Variants in STK32B observed in about 807,000 individuals in gnomAD.
STK32B encodes the protein serine/threonine-protein kinase 32B.
In STK32B, 43 loss-of-function variants were observed where a neutral mutation model predicts 52.6. The observed-to-expected ratio is 0.82, with a 90% confidence interval of 0.64 to 1.05. The LOEUF (loss-of-function observed/expected upper bound fraction) is 1.05, where lower values mean the gene tolerates loss of function less well. Among genes scored for constraint, STK32B ranks in the 50% least tolerant of loss-of-function variants. The probability of loss-of-function intolerance (pLI) is 0.00; values close to 1 mark genes in which losing one functional copy is unlikely to be tolerated. For missense variants in STK32B, 621 were observed against 534.6 expected (o/e 1.16, Z -1.59); for synonymous variants, 238 against 204.3 (o/e 1.17, Z -1.41).
At chr4:5,027,473 G>A in the STK32B span, among the ~76,000 whole-genome samples, 1 of 152,114 alleles carries the variant, frequency 6.6e-6, no homozygotes, top group African/African-American at 2.4e-5. Context: ...AAAACTACAG[G>A]CTTTGGAGTA....
intron 3 of STK32B, among the ~76,000 whole-genome samples, chr4:5,194,079 A>G (rs1238636754): frequency 6.6e-6 from 1 of 152,162 alleles, no homozygotes; most frequent in Admixed American, 6.5e-5. Context: ...TTGTCCACTC[A>G]TAGGCCTTCT....
Position 5,468,028 on chromosome 4 carries a change from TGGAGACTGTCCG to T in STK32B, c.1069_1080del (p.Thr357_Glu360del). ...CAGAATGGACACCTGCAGCACTGTT[TGGAGACTGTCCG>T]GGAGGAATTCATCATATTCAACAGA... On this transcript the variant is annotated inframe_deletion, in exon 11 of 12. Coordinates refer to ENST00000282908, the MANE Select transcript of STK32B (RefSeq NM_018401.3). The T allele has an allele frequency of 6.2e-7, 1 of 1,614,184 alleles. No homozygotes were observed. The highest frequency in any genetic ancestry group is 2.2e-5 in the East Asian group (1 of 44,882).
chr4:5,448,868 C>T (rs1715714210), intron 7 of STK32B, among the ~76,000 whole-genome samples: 1 of 152,164 alleles, frequency 6.6e-6, no homozygotes, highest in South Asian at 2.1e-4. Flanking sequence ...AATTTATTCT[C>T]TGTTTTTCAT....
intron 5 of STK32B, among the ~76,000 whole-genome samples, chr4:5,409,442 A>AT (rs1402756527): frequency 6.6e-6 from 1 of 152,182 alleles, no homozygotes; most frequent in Non-Finnish European, 1.5e-5. Context: ...TGTGAGATAG[A>AT]AAGGAAGTGT....
chr4:5,417,631 G>A (rs991761434), intron 6 of STK32B, among the ~76,000 whole-genome samples: 4 of 152,070 alleles, frequency 2.6e-5, no homozygotes, highest in African/African-American at 9.7e-5. Context: ...TCTCCCACCT[G>A]ATTTCTGAGT....
rs12642390 is a variant in STK32B, at chr4:5,378,792, G to A, written c.435-19415G>A. ...CTGGCTGGGTAGATGAGTTTGTGAC[G>A]GGGAGGGTTTCTTGGAGCCCCATCC... On this transcript the variant is annotated intron_variant, in intron 4 of 11. Transcript: ENST00000282908. This position sits in a 1 kb window ranked among gnomAD's most constrained non-coding sequence, Gnocchi z 4.4. Among the ~76,000 whole-genome samples, 2 of 152,070 alleles carry A rather than the reference G, an allele frequency of 1.3e-5. No individual in the cohort carries two copies. Among genetic ancestry groups the A allele is most frequent in the Admixed American group, 6.5e-5 (1 of 15,276 alleles).
intron 1 of STK32B, among the ~76,000 whole-genome samples, chr4:5,075,413 T>G (rs1360395391): frequency 1.3e-5 from 2 of 152,192 alleles, no homozygotes; most frequent in African/African-American, 2.4e-5. Context: ...ATTCACTTTT[T>G]TATATGTCTT....
intron 6 of STK32B, chr4:5,436,510 C>T (rs1714094715): frequency 1.2e-6 from 1 of 825,282 alleles, no homozygotes; most frequent in Admixed American, 6.2e-5. Context: ...TGTCAGAAAA[C>T]TGACTCTCTG....
Position 5,398,290 on chromosome 4 carries a change from T to C in STK32B, c.472+46T>C. The C allele has an allele frequency of 6.2e-7, 1 of 1,611,320 alleles. No homozygotes were observed. The highest frequency in any genetic ancestry group is 1.1e-5 in the South Asian group (1 of 90,726). On this transcript the variant is annotated intron_variant, in intron 5 of 11. Coordinates refer to ENST00000282908, the MANE Select transcript of STK32B (RefSeq NM_018401.3). The surrounding 1 kb of genome is among the most constrained non-coding windows in gnomAD (Gnocchi z 4.9). ...TTACAGGGACTCTCAGTGGAAAGTT[T>C]GAGGCACTGGGAAATAGTGCGGGGG... is the stretch of plus-strand genomic sequence containing the variant.
chr4:5,065,551 T>C (rs775437152), intron 1 of STK32B, among the ~76,000 whole-genome samples: 1 of 152,094 alleles, frequency 6.6e-6, no homozygotes, highest in Non-Finnish European at 1.5e-5. Context: ...AAGTCCTTCT[T>C]CTCACTCCGA....
chr4:5,287,929 C>T lies in STK32B; in HGVS notation c.261-43291C>T, dbSNP rs200010427. Among the ~76,000 whole-genome samples, 565 of 152,246 alleles carry T rather than the reference C, an allele frequency of 3.7e-3. 12 individuals carry two copies. The East Asian group carries it at 0.07, about 19-fold the overall frequency. On this transcript the variant is annotated intron_variant, in intron 3 of 11. Transcript: ENST00000282908. ...TAGCAGTCACTGTTGATTCCCTGCTCCTCCTAGCCCCCAGAAACCACTAAC... is the reference window on the plus strand; with the variant it reads ...TAGCAGTCACTGTTGATTCCCTGCTTCTCCTAGCCCCCAGAAACCACTAAC...
chr4:5,107,845 T>G (rs775732452), intron 1 of STK32B, among the ~76,000 whole-genome samples: 2 of 152,208 alleles, frequency 1.3e-5, no homozygotes, highest in Non-Finnish European at 2.9e-5. Flanking sequence ...TCATTTTTTT[T>G]GTAAATTCTA....
chr4:5,128,152 C>T (rs778777656), intron 1 of STK32B, among the ~76,000 whole-genome samples: 21 of 152,224 alleles, frequency 1.4e-4, no homozygotes, highest in Non-Finnish European at 2.8e-4. Flanking sequence ...CCTCCCCTAG[C>T]ACCTTCACAG....
chr4:5,210,330 T>C (rs1722834380), intron 3 of STK32B, among the ~76,000 whole-genome samples: 1 of 152,128 alleles, frequency 6.6e-6, no homozygotes, highest in Non-Finnish European at 1.5e-5. Flanking sequence ...CTTCTGCCCT[T>C]CCCCATCTCC....
At chr4:5,131,871 A>T (rs968513194) in intron 1 of STK32B, among the ~76,000 whole-genome samples, 1 of 152,224 alleles carries the variant, frequency 6.6e-6, no homozygotes, top group Non-Finnish European at 1.5e-5. Flanking sequence ...CTGCTCCTCA[A>T]ATATAACTGT....
At chr4:5,161,810 C>T (rs756220349) in intron 2 of STK32B, among the ~76,000 whole-genome samples, 2 of 152,178 alleles carry the variant, frequency 1.3e-5, no homozygotes, top group Non-Finnish European at 1.5e-5. Flanking sequence ...TCTTTAGTAA[C>T]CATATTTAAT....
At chr4:5,429,918 T>C (rs760242270) in intron 6 of STK32B, among the ~76,000 whole-genome samples, 9 of 152,152 alleles carry the variant, frequency 5.9e-5, no homozygotes, top group Admixed American at 2.0e-4. Context: ...TGCTTCTTAT[T>C]TGTAGTATTC....
intron 1 of STK32B, among the ~76,000 whole-genome samples, chr4:5,060,323 T>A: frequency 6.6e-6 from 1 of 152,318 alleles, no homozygotes; most frequent in African/African-American, 2.4e-5. Context: ...TCATATCCTC[T>A]TATTATCTTT....
intron 3 of STK32B, among the ~76,000 whole-genome samples, chr4:5,316,338 AATATATTATATCATATATTAT>A (rs1263256242): frequency 1.8e-5 from 1 of 56,846 alleles, no homozygotes; most frequent in Non-Finnish European, 2.6e-5. Flanking sequence ...TATACAATAT[AATATATTATATCATATATTAT>A]ATATATTATA....
Sources: gnomAD v4.1 joint callset for allele counts (sites outside exome capture counted in the v4.1 genomes callset) on GRCh38, gnomAD v4.1.1 for gene constraint, Gnocchi (gnomAD v3.1) non-coding constraint, MANE v1.5 for transcripts, NCBI Gene and HGNC (gene_info 2026-07-23, HGNC 2026-07-21) for gene names.